The following ALS2CL variants were observed in gnomAD, a reference collection of about 807,000 sequenced individuals.
ALS2CL encodes ALS2 C-terminal like, also known as ALS2 C-terminal-like protein.
ALS2CL carries 112 observed loss-of-function variants against 127.9 expected under a neutral mutation model. The observed-to-expected ratio is 0.88, with a 90% CI of 0.75 to 1.02. ALS2CL has a LOEUF of 1.02. Ranked by LOEUF, ALS2CL falls within the 50% of genes least tolerant of loss-of-function variation. ALS2CL has a pLI of 0.00. For missense variants in ALS2CL, 1,174 were observed against 1,236.7 expected (o/e 0.95, Z 0.76); for synonymous variants, 519 against 527.6 (o/e 0.98, Z 0.22).
chr3:46,687,180 A>G, intron 4 of ALS2CL, 32 bp from the exon 5 acceptor site: 1 of 1,488,904 alleles, frequency 6.7e-7, no homozygotes. Context: ...CACCACCTTC[A>G]CCCCTTCCTC....
intron 21 of ALS2CL, among the ~76,000 whole-genome samples, chr3:46,674,294 C>G (rs78562935): frequency 1.3e-5 from 2 of 152,182 alleles, no homozygotes; most frequent in African/African-American, 4.8e-5. Flanking sequence ...TGTGGGGACT[C>G]TGGGAGAGGA....
rs1381220985 is a variant in ALS2CL, at chr3:46,686,077, G to C, written c.666+231C>G. ...ATCCCCAGGGGAGAGGACTGGTTCT[G>C]CTGATTGCCTCTTCCCTAGGCCGGG... On this transcript the variant is annotated intron_variant, in intron 6 of 25. Coordinates refer to ENST00000318962, the MANE Select transcript of ALS2CL (RefSeq NM_147129.5). The surrounding 1 kb of genome is among the most constrained non-coding windows in gnomAD (Gnocchi z 4.3). 6.6e-6 allele frequency among the ~76,000 whole-genome samples: 1 copy of C among 152,222 alleles called. No homozygotes were observed. Among genetic ancestry groups the C allele is most frequent in the African/African-American group, 2.4e-5 (1 of 41,458 alleles).
chr3:46,689,057 C>CCT (rs10626746), intron 2 of ALS2CL, among the ~76,000 whole-genome samples: 121,224 of 152,030 alleles, frequency 0.8, 48,880 homozygotes, highest in African/African-American at 0.93. Flanking sequence ...TGGTAAAACC[C>CCT]GTCTCCACTA....
chr3:46,675,838 T>C, intron 19 of ALS2CL, 152 bp from the exon 20 acceptor site: 1 of 1,473,470 alleles, frequency 6.8e-7, no homozygotes, highest in South Asian at 1.4e-5. Context: ...AGTTAGAAGG[T>C]TGGAGCTCCA....
chr3:46,669,328 G>C lies in ALS2CL; in HGVS notation c.*1656C>G. 6.6e-6 allele frequency: 1 copy of C among 152,268 alleles called. No homozygotes were observed. Among genetic ancestry groups the C allele is most frequent in the Admixed American group, 6.5e-5 (1 of 15,280 alleles). The allele number at this position is 152,268 out of a possible 1,614,324, so 9.4% of individuals were successfully genotyped here. A position where few individuals can be genotyped will look rare whatever the true frequency, so the allele number is the denominator to read the frequency against. The stretch of plus-strand genomic sequence containing the variant: ...CCACTGTGCCCAGCCAGAGGCTCCA[G>C]TTCCACTGGTGTTGGGTGAGGCCTA... On this transcript the variant is annotated 3_prime_UTR_variant, in exon 26 of 26. Coordinates refer to ENST00000318962, the MANE Select transcript of ALS2CL (RefSeq NM_147129.5).
At chr3:46,683,085 C>A (rs1699478569) in intron 10 of ALS2CL, 45 bp downstream of exon 10, 1 of 1,509,100 alleles carries the variant, frequency 6.6e-7, no homozygotes, top group African/African-American at 1.4e-5. Flanking sequence ...GCCCCGCAGA[C>A]CCCCAGGGAG....
At chr3:46,674,225 C>T (rs190942765) in intron 21 of ALS2CL, among the ~76,000 whole-genome samples, 11 of 152,292 alleles carry the variant, frequency 7.2e-5, no homozygotes, top group Admixed American at 2.0e-4. Context: ...AGCCCCAAGC[C>T]GAGCCAGTGA....
In ALS2CL at chr3:46,670,705, G is replaced by A. The variant is rs1193598045; in HGVS notation, c.*279C>T. On this transcript the variant is annotated 3_prime_UTR_variant, in exon 26 of 26. Coordinates refer to ENST00000318962, the MANE Select transcript of ALS2CL (RefSeq NM_147129.5). This position sits in a 1 kb window ranked among gnomAD's most constrained non-coding sequence, Gnocchi z 5.5. The stretch of plus-strand genomic sequence containing the variant: ...GGGAGAAAGGCTCAGGCTAAGAGAA[G>A]CCAGGGACTCCTCACCCCCAGCCTG... The A allele has an allele frequency of 4.7e-6, 2 of 428,148 alleles. No individual in the cohort carries two copies. Among genetic ancestry groups the A allele is most frequent in the Admixed American group, 6.8e-5 (2 of 29,216 alleles). The allele number at this position is 428,148 out of a possible 1,614,324, so 26.5% of individuals were successfully genotyped here.
intron 1 of ALS2CL, among the ~76,000 whole-genome samples, chr3:46,689,947 C>T (rs925740787): frequency 6.6e-6 from 1 of 152,236 alleles, no homozygotes; most frequent in Non-Finnish European, 1.5e-5. Context: ...GTCACCCAAC[C>T]AGGCTGTGTA....
chr3:46,681,157 C>A lies in ALS2CL; in HGVS notation c.1436+89G>T, dbSNP rs1699294899. On this transcript the variant is annotated intron_variant, in intron 13 of 25. Coordinates refer to ENST00000318962, the MANE Select transcript of ALS2CL (RefSeq NM_147129.5). This position sits in a 1 kb window ranked among gnomAD's most constrained non-coding sequence, Gnocchi z 4.9. ...GGCTTAAGAGAGACACAGTGGGGGA[C>A]AAACAGGAGCCTGTGTCCTGCAACA... 2 of 1,581,068 alleles carry A rather than the reference C, an allele frequency of 1.3e-6. No homozygotes were observed. The highest frequency in any genetic ancestry group is 2.7e-5 in the African/African-American group (2 of 74,188).
At chr3:46,679,421 C>T in intron 14 of ALS2CL, 134 bp from the exon 15 acceptor site, 1 of 738,180 alleles carries the variant, frequency 1.4e-6, no homozygotes, top group Non-Finnish European at 2.2e-6. Context: ...CCTCATCACG[C>T]CCCACAGGAC....
intron 13 of ALS2CL, 145 bp from the exon 14 acceptor site, chr3:46,680,686 G>A: frequency 1.5e-6 from 1 of 675,316 alleles, no homozygotes; most frequent in East Asian, 2.7e-5. Context: ...GTGCCAGAGA[G>A]GTCAGGACCC....
chr3:46,673,805 T>C (rs1262999573), intron 21 of ALS2CL, among the ~76,000 whole-genome samples: 3 of 151,768 alleles, frequency 2.0e-5, no homozygotes, highest in Non-Finnish European at 4.4e-5. Context: ...TTTAGGCTGG[T>C]GGCTGGTCAG....
chr3:46,675,935 C>G, intron 19 of ALS2CL: 1 of 1,427,296 alleles, frequency 7.0e-7, no homozygotes, highest in African/African-American at 1.4e-5. Context: ...ACAGCCCAGC[C>G]TGGGACTGCA....
intron 7 of ALS2CL, among the ~76,000 whole-genome samples, chr3:46,684,407 C>CT (rs2106732059): frequency 6.6e-6 from 1 of 151,788 alleles, no homozygotes; most frequent in Non-Finnish European, 1.5e-5. Flanking sequence ...CCTCACAGAC[C>CT]ACTACGCCAT....
intron 1 of ALS2CL, among the ~76,000 whole-genome samples, chr3:46,692,261 C>T (rs1328933844): frequency 6.6e-6 from 1 of 152,070 alleles, no homozygotes; most frequent in Non-Finnish European, 1.5e-5. Context: ...AGGGGTGAGG[C>T]AGCGTGAATG....
In ALS2CL at chr3:46,686,834, C is replaced by G. The variant is rs139744511; in HGVS notation, c.534+149G>C. ...TGTCCCCTGAAAACCACAGGACAGGCCTGTGACTTCCTCAACCCTCTCCCA... is the reference window on the plus strand; with the variant it reads ...TGTCCCCTGAAAACCACAGGACAGGGCTGTGACTTCCTCAACCCTCTCCCA... On this transcript the variant is annotated intron_variant, in intron 5 of 25. Coordinates refer to ENST00000318962, the MANE Select transcript of ALS2CL (RefSeq NM_147129.5). The surrounding 1 kb of genome is among the most constrained non-coding windows in gnomAD (Gnocchi z 4.3). 5 of 996,790 alleles carry G rather than the reference C, an allele frequency of 5.0e-6. No homozygotes were observed. Among genetic ancestry groups the G allele is most frequent in the African/African-American group, 1.6e-5 (1 of 60,716 alleles). 61.7% of individuals were successfully genotyped at this position (996,790 alleles called of 1,614,324 possible).
intron 20 of ALS2CL, 98 bp from the exon 21 acceptor site, chr3:46,674,837 A>C: frequency 8.0e-7 from 1 of 1,251,768 alleles, no homozygotes; most frequent in Non-Finnish European, 1.1e-6. Context: ...CACAACAAAC[A>C]GTGTCCTGGC....
In ALS2CL at chr3:46,675,637, C is replaced by A; in HGVS notation, c.2236G>T (p.Asp746Tyr). The change falls in exon 20 of 26, where the codon GAT becomes TAT. Residue 746 changes from aspartate to tyrosine, a missense_variant. Physicochemically the swap from Asp to Tyr is radical, Grantham distance 160 (BLOSUM62 -3). Transcript: ENST00000318962. Reference protein sequence around the residue: ...LERKGQALEEDEDTETRDLQV... With the variant: ...LERKGQALEEYEDTETRDLQV... ...AGTCACCTTGTCTCTGTGTCTTCAT[C>A]CTCCTCCAGGGCCTGGCCCTTGCGC... is the stretch of plus-strand genomic sequence containing the variant. 6.2e-7 allele frequency: 1 copy of A among 1,613,876 alleles called. No individual in the cohort carries two copies. The highest frequency in any genetic ancestry group is 8.5e-7 in the Non-Finnish European group (1 of 1,180,020).
Sources: gnomAD v4.1 joint callset for allele counts (sites outside exome capture counted in the v4.1 genomes callset) on GRCh38, gnomAD v4.1.1 for gene constraint, Gnocchi (gnomAD v3.1) non-coding constraint, MANE v1.5 for transcripts, NCBI Gene and HGNC (gene_info 2026-07-23, HGNC 2026-07-21) for gene names.